THBS2: variants seen among roughly 807,000 people sequenced by gnomAD.
THBS2 encodes the protein thrombospondin 2.
A neutral mutation model predicts 135.2 loss-of-function variants in THBS2; 47 were observed. That is an observed-to-expected ratio of 0.35 (90% confidence interval 0.28 to 0.44). The LOEUF (loss-of-function observed/expected upper bound fraction) is 0.44. Ranked by LOEUF, THBS2 falls within the 20% of genes least tolerant of loss-of-function variation. The pLI, the probability that THBS2 is intolerant of heterozygous loss-of-function variation, is 1.00. For synonymous variants in THBS2, 639 were observed against 633.8 expected (o/e 1.01, Z -0.12); for missense variants, 1,288 against 1,603.1 (o/e 0.80, Z 3.36).
rs745968269 is a variant in THBS2, at chr6:169,239,584, G to T, written c.1129+15C>A. The T allele has an allele frequency of 1.2e-4, 184 of 1,584,794 alleles. 1 individual carries two copies. The highest frequency in any genetic ancestry group is 3.6e-5 in the Admixed American group (2 of 55,530). ...CTAAAAATGCAGGATGCGCTTGCCG[G>T]CTGGCGATACTCACAGTGGAGGCAG... On this transcript the variant is annotated intron_variant, in intron 7 of 21. Transcript: ENST00000617924.
chr6:169,248,870 C>A lies in THBS2; in HGVS notation c.156G>T (p.Val52=). Residue 52 remains valine, a synonymous_variant, in exon 3 of 22, where the codon GTG becomes GTT. Transcript: ENST00000617924. ...CAAAGCGCACGAAGCGGTAAGCCGGCACGCCGGGGTCGGGCCCGCGGAACT... is the reference window on the plus strand; with the variant it reads ...CAAAGCGCACGAAGCGGTAAGCCGGAACGCCGGGGTCGGGCCCGCGGAACT... ...AKQFRGPDPG[V]PAYRFVRFDY... is the part of the protein sequence containing the mutation. 1 of 1,612,480 alleles carries A rather than the reference C, an allele frequency of 6.2e-7. No homozygotes were observed. Among genetic ancestry groups the A allele is most frequent in the Non-Finnish European group, 8.5e-7 (1 of 1,180,022 alleles).
intron 21 of THBS2, among the ~76,000 whole-genome samples, chr6:169,218,070 GATGGGTGGGTGGATGAA>G (rs375052382): frequency 4.4e-5 from 5 of 112,828 alleles, no homozygotes; most frequent in African/African-American, 6.3e-5. Flanking sequence ...GGATGAAATG[GATGGGTGGGTGGATGAA>G]ATGGGTGGGT....
intron 4 of THBS2, among the ~76,000 whole-genome samples, chr6:169,244,384 GTAGGT>G (rs1780475763): frequency 1.4e-5 from 2 of 147,588 alleles, no homozygotes; most frequent in South Asian, 4.3e-4. Context: ...GTTTGTCATA[GTAGGT>G]TAGTTTTACT....
intron 10 of THBS2, 63 bp from the exon 11 acceptor site, chr6:169,233,080 C>T: frequency 6.9e-7 from 1 of 1,440,694 alleles, no homozygotes; most frequent in Non-Finnish European, 9.1e-7. Context: ...AGGAAGCCCG[C>T]CCTGTGGGCC....
At position 169,225,252 on chromosome 6, in the gene THBS2, C is replaced by T. The variant is rs754711342; in HGVS notation, c.2666G>A (p.Arg889Lys). The T allele has an allele frequency of 6.2e-7, 1 of 1,613,088 alleles. No homozygotes were observed. Among genetic ancestry groups the T allele is most frequent in the Non-Finnish European group, 8.5e-7 (1 of 1,179,554 alleles). ...ISNANQADHD[R>K]DGQGDACDPD... ...GTCACAGGCGTCGCCCTGGCCGTCTCTGTCATGGTCAGCCTGGTTGGCGTT... is the reference window on the plus strand; with the variant it reads ...GTCACAGGCGTCGCCCTGGCCGTCTTTGTCATGGTCAGCCTGGTTGGCGTT... Residue 889 changes from arginine to lysine, a missense_variant, in exon 17 of 22, where the codon AGA becomes AAA. Arg to Lys is a conservative substitution (Grantham distance 26, BLOSUM62 2). This residue lies in a region of THBS2 where 874 missense variants were observed against 1,156.1 expected (regional missense o/e 0.76). Coordinates refer to ENST00000617924, the MANE Select transcript of THBS2 (RefSeq NM_003247.5).
In THBS2 at chr6:169,222,204, G is replaced by T; in HGVS notation, c.3266C>A (p.Pro1089Gln). 6.2e-7 allele frequency: 1 copy of T among 1,604,892 alleles called. No individual in the cohort carries two copies. Among genetic ancestry groups the T allele is most frequent in the Non-Finnish European group, 8.5e-7 (1 of 1,176,170 alleles). ...RNALWHTGNTPGQVRTLWHDP... is the reference protein window; with the variant it reads ...RNALWHTGNTQGQVRTLWHDP... ...CTGGCCAGCCAACCTCACCTGCCCC[G>T]GCGTGTTCCCCGTGTGCCACAGCGC... Residue 1089 changes from proline to glutamine, a missense_variant, in exon 19 of 22, where the codon CCG becomes CAG. This residue lies in a region of THBS2 where 874 missense variants were observed against 1,156.1 expected (regional missense o/e 0.76). Transcript: ENST00000617924.
intron 1 of THBS2, among the ~76,000 whole-genome samples, chr6:169,251,829 G>GCC (rs1780763574): frequency 1.0e-5 from 1 of 95,698 alleles, no homozygotes; most frequent in Non-Finnish European, 2.1e-5. Context: ...CTGCTGCTGG[G>GCC]ACCCCCCCCC....
In THBS2 at chr6:169,223,274, G is replaced by C; in HGVS notation, c.2975C>G (p.Ala992Gly). Reference sequence around the variant, plus strand: ...TACAGCGATGCCGGGGTCCGAGTTGGCTGTCTGAACCAGCTCCTTGCCTTG... The same window carrying C: ...TACAGCGATGCCGGGGTCCGAGTTGCCTGTCTGAACCAGCTCCTTGCCTTG... Reference protein sequence around the residue: ...RHQGKELVQTANSDPGIAVGF... With the variant: ...RHQGKELVQTGNSDPGIAVGF... The change falls in exon 18 of 22, where the codon GCC (alanine) becomes GGC (glycine). Residue 992 changes from alanine (A) to glycine (G), a missense_variant. Ala to Gly is a moderately conservative substitution (Grantham distance 60, BLOSUM62 0). Transcript: ENST00000617924. 6.2e-7 allele frequency: 1 copy of C among 1,613,878 alleles called. No homozygotes were observed. Among genetic ancestry groups the C allele is most frequent in the South Asian group, 1.1e-5 (1 of 91,078 alleles).
chr6:169,219,702 A>G (rs1203252645), intron 21 of THBS2: 2 of 476,682 alleles, frequency 4.2e-6, no homozygotes, highest in African/African-American at 4.0e-5. Flanking sequence ...TATTTACTGC[A>G]TCTGTGGAAG....
chr6:169,230,628 T>C (rs1031681881), intron 13 of THBS2, among the ~76,000 whole-genome samples: 2 of 152,242 alleles, frequency 1.3e-5, no homozygotes, highest in Non-Finnish European at 2.9e-5. Flanking sequence ...TATATACATA[T>C]AACTTTGCAA....
chr6:169,231,172 A>G (rs1779817671), intron 13 of THBS2, among the ~76,000 whole-genome samples: 1 of 152,168 alleles, frequency 6.6e-6, no homozygotes, highest in East Asian at 1.9e-4. Flanking sequence ...GGTCAAGGAC[A>G]TTGAACAGTG....
At chr6:169,233,439 C>A (rs11966847) in intron 10 of THBS2, among the ~76,000 whole-genome samples, 20,860 of 151,542 alleles carry the variant, frequency 0.14, 2,745 homozygotes, top group African/African-American at 0.35. Flanking sequence ...ACACCATGTT[C>A]CAGACCATAC....
At chr6:169,243,310 C>T (rs558215902) in intron 4 of THBS2, among the ~76,000 whole-genome samples, 120 of 152,296 alleles carry the variant, frequency 7.9e-4, no homozygotes, top group African/African-American at 1.3e-3. Flanking sequence ...GAGTCAGGGA[C>T]GGAGGCGGGG....
chr6:169,244,871 T>C (rs1378144679), intron 4 of THBS2, among the ~76,000 whole-genome samples: 1 of 152,146 alleles, frequency 6.6e-6, no homozygotes, highest in African/African-American at 2.4e-5. Context: ...TAGAACACCC[T>C]TCTCCCTGCA....
At chr6:169,242,160 G>C (rs1583418035) in intron 4 of THBS2, among the ~76,000 whole-genome samples, 1 of 152,118 alleles carries the variant, frequency 6.6e-6, no homozygotes, top group Admixed American at 6.5e-5. Context: ...CCTGGTGCTG[G>C]GTGACACCAG....
chr6:169,232,265 GCGT>G, intron 12 of THBS2, 67 bp from the exon 13 acceptor site: 2 of 1,566,450 alleles, frequency 1.3e-6, no homozygotes, highest in Non-Finnish European at 1.7e-6. Context: ...TCGAGGCGGG[GCGT>G]CGGGCACCGC....
chr6:169,223,629 G>A (rs904934260), intron 17 of THBS2, among the ~76,000 whole-genome samples, 154 bp from the exon 18 acceptor site: 3 of 152,072 alleles, frequency 2.0e-5, no homozygotes, highest in African/African-American at 4.8e-5. Flanking sequence ...TTGTGGATTC[G>A]TGCTCAACAA....
rs1434531293 is a variant in THBS2, at chr6:169,248,964, T to C, written c.62A>G (p.Gln21Arg). Residue 21 changes from glutamine (Q) to arginine (R), a missense_variant, in exon 3 of 22, where the codon CAG becomes CGG. Physicochemically the swap from Gln to Arg is conservative, Grantham distance 43. Coordinates refer to ENST00000617924, the MANE Select transcript of THBS2 (RefSeq NM_003247.5). ...WVWPSTQAGH[Q>R]DKDTTFDLFS... ...AAGGTCGAAGGTCGTGTCTTTGTCC[T>C]GGTGACCAGCTGCAAAGGGAACCGC... The C allele has an allele frequency of 6.2e-7, 1 of 1,601,242 alleles. No homozygotes were observed. Among genetic ancestry groups the C allele is most frequent in the Non-Finnish European group, 8.5e-7 (1 of 1,171,422 alleles).
rs766701712 is a variant in THBS2, at chr6:169,234,924, C to G, written c.1478-17G>C. ...GGCCATCGACTGCGGGGAAAGCCAA[C>G]CAGGGGGAGCTCAGAGCAAGACCCG... On this transcript the variant is annotated splice_polypyrimidine_tract_variant and intron_variant, in intron 9 of 21. Coordinates refer to ENST00000617924, the MANE Select transcript of THBS2 (RefSeq NM_003247.5). 18 of 1,578,582 alleles carry G rather than the reference C, an allele frequency of 1.1e-5. No homozygotes were observed. The African/African-American group carries it at 2.3e-4, about 21-fold the overall frequency.
Sources: gnomAD v4.1 joint callset for allele counts (sites outside exome capture counted in the v4.1 genomes callset) on GRCh38, gnomAD v4.1.1 for gene constraint, gnomAD v4.1.1 regional missense constraint, MANE v1.5 for transcripts, NCBI Gene and HGNC (gene_info 2026-07-23, HGNC 2026-07-21) for gene names.